Variants in DMXL2 observed in about 807,000 individuals in gnomAD.
DMXL2 encodes the protein dmX-like protein 2.
Under a neutral mutation model 331.1 loss-of-function variants are expected in DMXL2, and 103 were observed. That is an observed-to-expected ratio of 0.31 (90% CI 0.27 to 0.37). DMXL2 has a LOEUF of 0.37. Ranked by LOEUF, DMXL2 falls within the 10% of genes least tolerant of loss-of-function variation. The pLI, the probability that DMXL2 is intolerant of heterozygous loss-of-function variation, is 1.00. For missense variants in DMXL2, 3,171 were observed against 3,642.9 expected (o/e 0.87, Z 3.33); for synonymous variants, 1,281 against 1,252.1 (o/e 1.02, Z -0.49).
chr15:51,466,194 T>C lies in DMXL2; in HGVS notation c.7510A>G (p.Asn2504Asp), dbSNP rs1234161551. The C allele has an allele frequency of 1.3e-6, 2 of 1,560,860 alleles. No individual in the cohort carries two copies. Among genetic ancestry groups the C allele is most frequent in the African/African-American group, 1.4e-5 (1 of 71,652 alleles). ...DTQIQEHQDP[N>D]SYSWALLHLT... is the part of the protein sequence containing the mutation. ...AAAAGTCTTATTTACCTATAGGAAT[T>C]TGGATCTTGGTGCTCCTGTATTTGT... The change falls in exon 30 of 44, where the codon AAT becomes GAT. Residue 2504 changes from asparagine (N) to aspartate (D), a missense_variant. By Grantham distance (23) the Asn-to-Asp change is conservative. Transcript: ENST00000560891.
At chr15:51,494,602 G>T (rs986345767) in intron 19 of DMXL2, among the ~76,000 whole-genome samples, 6 of 152,148 alleles carry the variant, frequency 3.9e-5, no homozygotes, top group Non-Finnish European at 8.8e-5. Flanking sequence ...AGATCTTCCT[G>T]AATCATCAAC....
At chr15:51,580,058 G>A (rs1341840112) in intron 1 of DMXL2, among the ~76,000 whole-genome samples, 2 of 152,142 alleles carry the variant, frequency 1.3e-5, no homozygotes, top group Non-Finnish European at 2.9e-5. Context: ...GTTGGTGCTA[G>A]AAGGAGTGTG....
Position 51,456,465 on chromosome 15 carries a change from C to A in DMXL2, c.8338-96G>T. 6.5e-6 allele frequency: 5 copies of A among 765,922 alleles called. No individual in the cohort carries two copies. The South Asian group carries it at 9.7e-5, about 15-fold the overall frequency. The allele number at this position is 765,922 out of a possible 1,614,324, so 47.4% of individuals were successfully genotyped here. A position where few individuals can be genotyped will look rare whatever the true frequency, so the allele number is the denominator to read the frequency against. On this transcript the variant is annotated intron_variant, in intron 37 of 43. Transcript: ENST00000560891. ...AAATTCTGACATTTATTCTCTTACA[C>A]CTTGCTTATTACTGAGATAAAGCCT... is the stretch of plus-strand genomic sequence containing the variant.
intron 13 of DMXL2, among the ~76,000 whole-genome samples, chr15:51,525,469 G>A (rs2047618408): frequency 6.6e-6 from 1 of 152,118 alleles, no homozygotes; most frequent in East Asian, 1.9e-4. Flanking sequence ...TGGCCACAAG[G>A]GAGTAGAGCA....
intron 1 of DMXL2, among the ~76,000 whole-genome samples, chr15:51,608,620 G>A (rs1255423707): frequency 6.6e-6 from 1 of 152,134 alleles, no homozygotes; most frequent in Non-Finnish European, 1.5e-5. Context: ...GGAAGAGGGA[G>A]AGGATCAAAA....
At chr15:51,496,794 G>C (rs28680710) in intron 18 of DMXL2, among the ~76,000 whole-genome samples, 67,813 of 151,976 alleles carry the variant, frequency 0.45, 15,676 homozygotes, top group Non-Finnish European at 0.5. Context: ...AGAAAGCAGA[G>C]TCAAGAATGA....
Position 51,545,725 on chromosome 15 carries a change from C to G in DMXL2, c.788G>C (p.Gly263Ala). The G allele has an allele frequency of 6.2e-7, 1 of 1,613,438 alleles. No homozygotes were observed. The change falls in exon 8 of 44, where the codon GGT becomes GCT. Residue 263 changes from glycine to alanine, a missense_variant. Gly to Ala is a moderately conservative substitution (Grantham distance 60). This residue lies in a region of DMXL2 where 1,674 missense variants were observed against 1,780.2 expected (regional missense o/e 0.94). Coordinates refer to ENST00000560891, the MANE Select transcript of DMXL2 (RefSeq NM_001378457.1). ...CNVLLTSCHDGVCRLWAETLL... is the reference protein window; with the variant it reads ...CNVLLTSCHDAVCRLWAETLL... Reference sequence around the variant, plus strand: ...AGTTTCTGCCCAGAGCCGGCACACACCATCATGACATGAAGTTAACAACAC... The same window carrying G: ...AGTTTCTGCCCAGAGCCGGCACACAGCATCATGACATGAAGTTAACAACAC...
rs2041984407 is a variant in DMXL2 at position 51,481,212 on chromosome 15, G to A, written c.5894C>T (p.Pro1965Leu). 1 of 1,613,752 alleles carries A rather than the reference G, an allele frequency of 6.2e-7. No homozygotes were observed. The highest frequency in any genetic ancestry group is 8.5e-7 in the Non-Finnish European group (1 of 1,179,914). The change falls in exon 24 of 44, where the codon CCA becomes CTA. Residue 1965 changes from proline (P) to leucine (L), a missense_variant. Coordinates refer to ENST00000560891, the MANE Select transcript of DMXL2 (RefSeq NM_001378457.1). Reference sequence around the variant, plus strand: ...AGGTTCCTCATCAACTTTTACTATTGGCTGACTCCAGTCATACTGTGATGA... The same window carrying A: ...AGGTTCCTCATCAACTTTTACTATTAGCTGACTCCAGTCATACTGTGATGA... ...VTSSQYDWSQ[P>L]IVKVDEEPLN...
At chr15:51,547,098 T>C in intron 7 of DMXL2, 132 bp downstream of exon 7, 1 of 772,122 alleles carries the variant, frequency 1.3e-6, no homozygotes. Flanking sequence ...AATAGTAGGA[T>C]TTGATTTCAG....
intron 36 of DMXL2, among the ~76,000 whole-genome samples, chr15:51,458,276 G>C (rs1268548614): frequency 6.6e-6 from 1 of 152,208 alleles, no homozygotes; most frequent in African/African-American, 2.4e-5. Flanking sequence ...CCAAGTGTTA[G>C]GGATTATCCT....
intron 43 of DMXL2, among the ~76,000 whole-genome samples, chr15:51,449,691 A>T (rs2038964693): frequency 6.6e-6 from 1 of 152,144 alleles, no homozygotes; most frequent in African/African-American, 2.4e-5. Flanking sequence ...AACTTTAACA[A>T]TATTTTTAAC....
At chr15:51,609,942 A>G (rs1010025853) in intron 1 of DMXL2, among the ~76,000 whole-genome samples, 1 of 135,128 alleles carries the variant, frequency 7.4e-6, no homozygotes, top group Non-Finnish European at 1.7e-5. Flanking sequence ...AAAAAAAAAA[A>G]AAAAACTATC....
At chr15:51,621,962 G>C (rs962270697) in intron 1 of DMXL2, among the ~76,000 whole-genome samples, 2 of 152,170 alleles carry the variant, frequency 1.3e-5, no homozygotes, top group Admixed American at 6.5e-5. Context: ...ACAGACTCCA[G>C]CAGCTCCTCG....
chr15:51,569,713 C>G (rs1489541336), intron 2 of DMXL2, among the ~76,000 whole-genome samples: 2 of 152,194 alleles, frequency 1.3e-5, no homozygotes, highest in Non-Finnish European at 2.9e-5. Flanking sequence ...CTCCAGCAAA[C>G]TCTAGCAGAC....
chr15:51,457,306 T>TACCTATAAGTAA, intron 37 of DMXL2, 22 bp downstream of exon 37: 2 of 1,603,364 alleles, frequency 1.2e-6, no homozygotes, highest in Non-Finnish European at 1.7e-6. Flanking sequence ...CCAGAAATGA[T>TACCTATAAGTAA]ACCTATAAGT....
chr15:51,577,294 T>C (rs1440375435), intron 1 of DMXL2, among the ~76,000 whole-genome samples: 1 of 152,114 alleles, frequency 6.6e-6, no homozygotes, highest in Non-Finnish European at 1.5e-5. Flanking sequence ...ACCCATGCCC[T>C]GAAGGGATCC....
At chr15:51,482,082 CCAT>C (rs1383468737) in intron 23 of DMXL2, among the ~76,000 whole-genome samples, 2 of 152,062 alleles carry the variant, frequency 1.3e-5, no homozygotes, top group Admixed American at 1.3e-4. Context: ...TATTTTAACA[CCAT>C]GTCAACATTT....
At position 51,478,790 on chromosome 15, in the gene DMXL2, A is replaced by T. The variant is rs190218402; in HGVS notation, c.6757-443T>A. On this transcript the variant is annotated intron_variant, in intron 25 of 43. Coordinates refer to ENST00000560891, the MANE Select transcript of DMXL2 (RefSeq NM_001378457.1). ...TAATCTTATCAATGAAAATGAATTA[A>T]ATCTTTTTAGTAAATGTGTCAATCA... Among the ~76,000 whole-genome samples, 175 of 152,308 alleles carry T rather than the reference A, an allele frequency of 1.1e-3. 1 individual carries two copies. The highest frequency in any genetic ancestry group is 4.1e-3 in the African/African-American group (172 of 41,576).
At chr15:51,595,129 T>C (rs2052698254) in intron 1 of DMXL2, among the ~76,000 whole-genome samples, 1 of 152,182 alleles carries the variant, frequency 6.6e-6, no homozygotes, top group Non-Finnish European at 1.5e-5. Flanking sequence ...GGAAGTCAAA[T>C]TGTCCCTGTT....
Sources: gnomAD v4.1 joint callset for allele counts (sites outside exome capture counted in the v4.1 genomes callset) on GRCh38, gnomAD v4.1.1 for gene constraint, gnomAD v4.1.1 regional missense constraint, MANE v1.5 for transcripts, NCBI Gene and HGNC (gene_info 2026-07-23, HGNC 2026-07-21) for gene names.